Variants in FOXP2 observed in about 807,000 individuals in gnomAD.
FOXP2 encodes forkhead box protein P2.
Under a neutral mutation model 115.8 loss-of-function variants are expected in FOXP2, and 12 were observed. The observed-to-expected ratio is 0.10, with a 90% CI of 0.07 to 0.17. The LOEUF is 0.17. FOXP2 is among the 10% of genes least tolerant of loss of function. The pLI is 1.00. For synonymous variants in FOXP2, 328 were observed against 297.7 expected (o/e 1.10, Z -1.05); for missense variants, 629 against 843.5 (o/e 0.75, Z 3.15).
chr7:114,431,719 A>G (rs912162889), intron 2 of FOXP2, among the ~76,000 whole-genome samples: 1 of 151,944 alleles, frequency 6.6e-6, no homozygotes, highest in Non-Finnish European at 1.5e-5. Flanking sequence ...GTAAGAATGC[A>G]TATATTTAGA....
At chr7:114,594,096 G>A (rs1350507023) in intron 3 of FOXP2, among the ~76,000 whole-genome samples, 1 of 152,010 alleles carries the variant, frequency 6.6e-6, no homozygotes, top group East Asian at 1.9e-4. Context: ...ATAACAGTTG[G>A]TTTATTGTTA....
intron 1 of FOXP2, among the ~76,000 whole-genome samples, chr7:114,137,472 G>C (rs1167700116): frequency 1.3e-5 from 2 of 152,078 alleles, no homozygotes; most frequent in Non-Finnish European, 2.9e-5. Flanking sequence ...ATAAACTTGT[G>C]TTCATGGAGT....
chr7:114,458,849 C>G (rs1258453955), intron 2 of FOXP2, among the ~76,000 whole-genome samples: 1 of 152,082 alleles, frequency 6.6e-6, no homozygotes, highest in Non-Finnish European at 1.5e-5. Context: ...CCATACTAAA[C>G]TTAGTGGCCT....
At chr7:114,395,398 G>T (rs955393533) in intron 2 of FOXP2, among the ~76,000 whole-genome samples, 1 of 152,114 alleles carries the variant, frequency 6.6e-6, no homozygotes, top group East Asian at 1.9e-4. Context: ...AGGAGCATAA[G>T]CTCAGAGGTT....
chr7:114,457,206 G>A (rs899962321), intron 2 of FOXP2, among the ~76,000 whole-genome samples: 1 of 152,038 alleles, frequency 6.6e-6, no homozygotes, highest in African/African-American at 2.4e-5. Flanking sequence ...GAATGGATAT[G>A]TTTATTTGTT....
chr7:114,443,378 C>G lies in FOXP2; in HGVS notation c.168+16699C>G, dbSNP rs568243357. Among the ~76,000 whole-genome samples, 180 of 152,268 alleles carry G rather than the reference C, an allele frequency of 1.2e-3. 1 individual carries two copies. The highest frequency in any genetic ancestry group is 4.1e-3 in the African/African-American group (171 of 41,558). On this transcript the variant is annotated intron_variant, in intron 2 of 16. Coordinates refer to ENST00000350908, the MANE Select transcript of FOXP2 (RefSeq NM_014491.4). The stretch of plus-strand genomic sequence containing the variant: ...TCTTGACTTTGATACAAATATGCAT[C>G]TCTTCTCACTTGTACTGACAATCAC...
intron 2 of FOXP2, among the ~76,000 whole-genome samples, chr7:114,394,515 T>C (rs1017827247): frequency 6.6e-6 from 1 of 152,050 alleles, no homozygotes; most frequent in African/African-American, 2.4e-5. Context: ...ACAAAATGTT[T>C]ACTAATTACA....
chr7:114,426,787 G>A, intron 2 of FOXP2, 108 bp downstream of exon 2: 1 of 1,168,762 alleles, frequency 8.6e-7, no homozygotes, highest in African/African-American at 1.5e-5. Context: ...GCTAAAAGAT[G>A]CTGAGAATTT....
chr7:114,683,898 T>C (rs1371640618), intron 16 of FOXP2, among the ~76,000 whole-genome samples: 1 of 81,688 alleles, frequency 1.2e-5, no homozygotes, highest in Non-Finnish European at 2.5e-5. Context: ...GGGTTTTGGC[T>C]TAATCCTCTT....
chr7:114,339,818 C>G lies in FOXP2; in HGVS notation c.-11+51709C>G, dbSNP rs1045879865. On this transcript the variant is annotated intron_variant, in intron 2 of 17. Transcript: ENST00000634411. Reference sequence around the variant, plus strand: ...GCTCTTTTAAAGTCAGAGTAAGATACAGTTTTTTTATGATTACCTAGAATT... The same window carrying G: ...GCTCTTTTAAAGTCAGAGTAAGATAGAGTTTTTTTATGATTACCTAGAATT... 7.3e-5 allele frequency among the ~76,000 whole-genome samples: 11 copies of G among 151,206 alleles called. No homozygotes were observed. The South Asian group carries it at 2.3e-3, about 31-fold the overall frequency.
chr7:114,527,400 C>A (rs1159057602), intron 2 of FOXP2, among the ~76,000 whole-genome samples: 4 of 151,854 alleles, frequency 2.6e-5, no homozygotes, highest in African/African-American at 9.7e-5. Context: ...TATTACTGTG[C>A]CGTCCTCACA....
intron 2 of FOXP2, among the ~76,000 whole-genome samples, chr7:114,476,230 C>G (rs189903017): frequency 1.2e-4 from 18 of 151,166 alleles, no homozygotes; most frequent in Non-Finnish European, 1.9e-4. Flanking sequence ...TCTATGTTGT[C>G]TTATAGGATT....
chr7:114,320,523 C>T (rs367745536), intron 2 of FOXP2, among the ~76,000 whole-genome samples: 1 of 152,112 alleles, frequency 6.6e-6, no homozygotes, highest in Non-Finnish European at 1.5e-5. Flanking sequence ...TATTCTGGCA[C>T]CACATTCAAT....
intron 3 of FOXP2, among the ~76,000 whole-genome samples, chr7:114,570,365 T>A (rs181685535): frequency 6.6e-6 from 1 of 152,050 alleles, no homozygotes; most frequent in East Asian, 1.9e-4. Context: ...ACAGGATTTA[T>A]GTTCATTTGT....
At chr7:114,333,529 G>A (rs1473522251) in intron 2 of FOXP2, among the ~76,000 whole-genome samples, 2 of 152,204 alleles carry the variant, frequency 1.3e-5, no homozygotes, top group East Asian at 1.9e-4. Flanking sequence ...GAGGCGGGCC[G>A]ATCATTTGAG....
chr7:114,156,356 T>C (rs960876563), intron 1 of FOXP2, among the ~76,000 whole-genome samples: 3 of 152,096 alleles, frequency 2.0e-5, no homozygotes, highest in Non-Finnish European at 4.4e-5. Flanking sequence ...ACTGTAACAG[T>C]AGGAGTTCTG....
intron 1 of FOXP2, among the ~76,000 whole-genome samples, chr7:114,223,403 G>GT (rs972088792): frequency 4.0e-4 from 60 of 148,222 alleles, no homozygotes; most frequent in African/African-American, 1.2e-3. Flanking sequence ...GGATATTCAT[G>GT]TTTTTTTTGT....
chr7:114,105,728 T>G (rs1394002401), intron 1 of FOXP2, among the ~76,000 whole-genome samples: 2 of 152,042 alleles, frequency 1.3e-5, no homozygotes, highest in East Asian at 3.9e-4. Flanking sequence ...GCCCAGACCT[T>G]TGAGCATGAG....
upstream of FOXP2, among the ~76,000 whole-genome samples, chr7:114,413,384 TG>T (rs1402748066): frequency 6.6e-6 from 1 of 151,642 alleles, no homozygotes; most frequent in Non-Finnish European, 1.5e-5. Flanking sequence ...TAATTTCATT[TG>T]CTTTGTTCAC....
Sources: allele counts gnomAD v4.1 joint callset (sites outside exome capture counted in the v4.1 genomes callset), GRCh38; gene constraint gnomAD v4.1.1; transcripts MANE v1.5; gene names NCBI Gene and HGNC (gene_info 2026-07-23, HGNC 2026-07-21).